Variants in NLRP4 observed in about 807,000 individuals in gnomAD.
NLRP4 encodes the protein NLR family pyrin domain containing 4.
NLRP4 carries 44 observed loss-of-function variants against 84.7 expected under a neutral mutation model. That is an observed-to-expected ratio of 0.52 (90% CI 0.41 to 0.67). NLRP4 has a LOEUF of 0.67. NLRP4 is among the 30% of genes least tolerant of loss of function. The pLI is 0.00. For missense variants in NLRP4, 1,260 were observed against 1,219.4 expected, an observed-to-expected ratio of 1.03 and a Z score of -0.50; for synonymous variants, 544 against 476.4, an observed-to-expected ratio of 1.14 and a Z score of -1.85.
intron 5 of NLRP4, among the ~76,000 whole-genome samples, chr19:55,865,797 G>A (rs959932753): frequency 3.3e-5 from 5 of 152,138 alleles, no homozygotes; most frequent in Middle Eastern, 3.4e-3. Flanking sequence ...CAAGTTGTAA[G>A]TGTTCTTTAT....
At chr19:55,850,806 T>TGTCCGTGGCTGCGGTGTAA (rs1353273173) in intron 1 of NLRP4, among the ~76,000 whole-genome samples, 1 of 122,044 alleles carries the variant, frequency 8.2e-6, no homozygotes, top group Non-Finnish European at 1.6e-5. Flanking sequence ...TGCGGTGTAA[T>TGTCCGTGGCTGCGGTGTAA]TTCCGAGGCT....
chr19:55,855,937 A>G (rs573923143), intron 2 of NLRP4, among the ~76,000 whole-genome samples: 8 of 152,326 alleles, frequency 5.3e-5, no homozygotes, highest in Admixed American at 3.3e-4. Flanking sequence ...CACGACAGCT[A>G]TGATTCAGAA....
chr19:55,859,232 G>A lies in NLRP4; in HGVS notation c.1839G>A (p.Glu613=). The A allele has an allele frequency of 1.9e-6, 3 of 1,603,024 alleles. No individual in the cohort carries two copies. The highest frequency in any genetic ancestry group is 2.6e-6 in the Non-Finnish European group (3 of 1,170,904). Residue 613 remains glutamate, a synonymous_variant, in exon 3 of 10, where the codon GAG becomes GAA. Coordinates refer to ENST00000301295, the MANE Select transcript of NLRP4 (RefSeq NM_134444.5). ...CFSVQNVFKK[E]DEHSSTSDYS... is the part of the protein sequence containing the mutation. Reference sequence around the variant, plus strand: ...CCGTTCAAAATGTCTTTAAGAAAGAGGATGAACACAGCTCTACGTGAGTCC... The same window carrying A: ...CCGTTCAAAATGTCTTTAAGAAAGAAGATGAACACAGCTCTACGTGAGTCC...
chr19:55,850,112 T>A lies in NLRP4; in HGVS notation c.-65-1904T>A, dbSNP rs1156526358. Among the ~76,000 whole-genome samples, 82 of 109,486 alleles carry A rather than the reference T, an allele frequency of 7.5e-4. 1 individual carries two copies. Among genetic ancestry groups the A allele is most frequent in the Non-Finnish European group, 1.1e-3 (61 of 55,368 alleles). 71.8% of individuals were successfully genotyped at this position (109,486 alleles called of 152,430 possible). ...TTCCGTGGCTGCGGTGTAATTACCG[T>A]AGCTGCGGTGTAATTTCCGTGGCTG... On this transcript the variant is annotated intron_variant, in intron 1 of 9. Transcript: ENST00000301295.
rs192117499 is a variant in NLRP4 at position 55,858,685 on chromosome 19, C to T, written c.1292C>T (p.Ala431Val). ...GGGGTTGTTGACGCTGACATCCCTG[C>T]GCTGCTGGGCACCAAGATACTTCTG... ...RNGVVDADIP[A>V]LLGTKILLKY... Residue 431 changes from alanine (A) to valine (V), a missense_variant, in exon 3 of 10, where the codon GCG (alanine) becomes GTG (valine). Coordinates refer to ENST00000301295, the MANE Select transcript of NLRP4 (RefSeq NM_134444.5). This position sits in a 1 kb window ranked among gnomAD's most constrained non-coding sequence, Gnocchi z 4.2. 6.1e-4 allele frequency: 977 copies of T among 1,614,086 alleles called. 5 individuals are homozygous for T. The East Asian group carries it at 0.014, about 23-fold the overall frequency.
intron 1 of NLRP4, among the ~76,000 whole-genome samples, chr19:55,850,828 T>C (rs1233378377): frequency 0.012 from 819 of 69,696 alleles, 43 homozygotes; most frequent in Non-Finnish European, 0.016. Flanking sequence ...CGGTGTAATG[T>C]CCGAGGCTGC....
intron 1 of NLRP4, among the ~76,000 whole-genome samples, chr19:55,850,470 C>T (rs551362797): frequency 2.6e-3 from 163 of 63,254 alleles, no homozygotes; most frequent in Middle Eastern, 8.5e-3. Flanking sequence ...GTGTAATTTC[C>T]GAGGCTGCGG....
intron 8 of NLRP4, among the ~76,000 whole-genome samples, chr19:55,878,140 G>T (rs890259823): frequency 6.6e-6 from 1 of 152,212 alleles, no homozygotes; most frequent in African/African-American, 2.4e-5. Context: ...CGTGGTGCAT[G>T]CCTGTAGCCC....
intron 5 of NLRP4, among the ~76,000 whole-genome samples, chr19:55,866,422 G>A (rs183967748): frequency 3.3e-5 from 5 of 152,304 alleles, no homozygotes; most frequent in East Asian, 3.9e-4. Context: ...CCATGGACTC[G>A]GTGACTTGCC....
At position 55,854,763 on chromosome 19, in the gene NLRP4, G is replaced by A. The variant is rs541870317; in HGVS notation, c.280+2403G>A. 1.1e-4 allele frequency among the ~76,000 whole-genome samples: 16 copies of A among 152,170 alleles called. No individual in the cohort carries two copies. In the South Asian group the frequency reaches 3.3e-3, roughly 32 times the overall value. ...AGACGGAGTTTCACTCTTTCACCCA[G>A]GCTGGAGTAAAGTAGCATGATTTTG... is the stretch of plus-strand genomic sequence containing the variant. On this transcript the variant is annotated intron_variant, in intron 2 of 9. Coordinates refer to ENST00000301295, the MANE Select transcript of NLRP4 (RefSeq NM_134444.5).
chr19:55,860,045 G>A (rs1984684675), intron 3 of NLRP4, among the ~76,000 whole-genome samples: 1 of 148,760 alleles, frequency 6.7e-6, no homozygotes, highest in South Asian at 2.1e-4. Context: ...GAGTGCAGTG[G>A]CGAGATCTTG....
rs1984150951 is a variant in NLRP4, at chr19:55,851,637, TGCGGTGTAATGTCCG to T, written c.-65-378_-65-364del. On this transcript the variant is annotated intron_variant, in intron 1 of 9. Transcript: ENST00000301295. Reference sequence around the variant, plus strand: ...GTGGCTGCGGTGTAATGTCCGAGGCTGCGGTGTAATGTCCGAGGCTGCGGTGTAATGTCCGAGGCT... The same window carrying T: ...GTGGCTGCGGTGTAATGTCCGAGGCTAGGCTGCGGTGTAATGTCCGAGGCT... Among the ~76,000 whole-genome samples the T allele has an allele frequency of 1.3e-4, 17 of 134,976 alleles. No individual in the cohort carries two copies. The South Asian group carries it at 3.9e-3, about 31-fold the overall frequency. 88.5% of individuals were successfully genotyped at this position (134,976 alleles called of 152,430 possible).
At chr19:55,841,579 C>T (rs773592343) in intron 1 of NLRP4, among the ~76,000 whole-genome samples, 1 of 151,968 alleles carries the variant, frequency 6.6e-6, no homozygotes, top group Non-Finnish European at 1.5e-5. Context: ...AATAGTGCTG[C>T]AGGCCGGGTG....
At chr19:55,861,254 C>A in intron 3 of NLRP4, 132 bp from the exon 4 acceptor site, 1 of 715,752 alleles carries the variant, frequency 1.4e-6, no homozygotes, top group Non-Finnish European at 2.3e-6. Flanking sequence ...TGAAGGGTCC[C>A]GTTCCTTCTG....
chr19:55,853,885 C>CTCTCTCTCTCTCTCTCTTTT (rs1984291024), intron 2 of NLRP4, among the ~76,000 whole-genome samples: 1 of 122,150 alleles, frequency 8.2e-6, no homozygotes, highest in African/African-American at 4.7e-5. Context: ...CTCTTGCTAT[C>CTCTCTCTCTCTCTCTCTTTT]TCTTTCTCTC....
At chr19:55,864,581 G>T (rs1984881692) in intron 5 of NLRP4, among the ~76,000 whole-genome samples, 1 of 152,154 alleles carries the variant, frequency 6.6e-6, no homozygotes, top group Middle Eastern at 3.2e-3. Context: ...ACCAGGAGTA[G>T]ACTTGCTAGG....
chr19:55,838,035 C>CCAAAAAAAAAAAAAAAAAAGGAA (rs59078329), intron 1 of NLRP4, among the ~76,000 whole-genome samples: 24 of 132,600 alleles, frequency 1.8e-4, no homozygotes, highest in Non-Finnish European at 2.2e-4. Flanking sequence ...GACTCGGTCT[C>CCAAAAAAAAAAAAAAAAAAGGAA]AAGCTGGATG....
At chr19:55,843,234 C>T (rs1983679818) in intron 1 of NLRP4, among the ~76,000 whole-genome samples, 1 of 152,174 alleles carries the variant, frequency 6.6e-6, no homozygotes, top group South Asian at 2.1e-4. Flanking sequence ...GCCTTACCCC[C>T]ACTCTGGAAT....
chr19:55,871,753 C>A (rs191851857), intron 7 of NLRP4, among the ~76,000 whole-genome samples: 1 of 152,130 alleles, frequency 6.6e-6, no homozygotes, highest in East Asian at 1.9e-4. Context: ...GTTAGGCTAT[C>A]TGGGCCAATC....
Sources: gnomAD v4.1 joint callset for allele counts (sites outside exome capture counted in the v4.1 genomes callset) on GRCh38, gnomAD v4.1.1 for gene constraint, Gnocchi (gnomAD v3.1) non-coding constraint, MANE v1.5 for transcripts, NCBI Gene and HGNC (gene_info 2026-07-23, HGNC 2026-07-21) for gene names.